TRPC6: variants seen among roughly 807,000 people sequenced by gnomAD.
The protein encoded by TRPC6 is short transient receptor potential channel 6.
Under a neutral mutation model 90.7 loss-of-function variants are expected in TRPC6, and 55 were observed. The observed-to-expected ratio is 0.61, with a 90% CI of 0.49 to 0.76. TRPC6 has a LOEUF of 0.76. Among genes scored for constraint, TRPC6 ranks in the 30% least tolerant of loss-of-function variants. The pLI is 0.00. For missense variants in TRPC6, 989 were observed against 1,122.7 expected, an observed-to-expected ratio of 0.88 and a Z score of 1.70; for synonymous variants, 393 against 393.0, an observed-to-expected ratio of 1.00 and a Z score of 0.00.
At chr11:101,519,418 C>A (rs764040750) in intron 1 of TRPC6, among the ~76,000 whole-genome samples, 10 of 152,062 alleles carry the variant, frequency 6.6e-5, no homozygotes, top group Non-Finnish European at 1.2e-4. Flanking sequence ...ACATTTAATT[C>A]TATTTCTCTG....
intron 6 of TRPC6, among the ~76,000 whole-genome samples, chr11:101,475,617 A>G (rs80111499): frequency 0.014 from 2,190 of 152,040 alleles, 31 homozygotes; most frequent in Admixed American, 0.026. Flanking sequence ...CCTTTGGCCA[A>G]CATCTCCCCA....
chr11:101,583,305 C>T, intron 1 of TRPC6, 29 bp downstream of exon 1: 1 of 1,556,576 alleles, frequency 6.4e-7, no homozygotes, highest in South Asian at 1.2e-5. Flanking sequence ...CAGCCCGCGC[C>T]CGATCCGCCC....
chr11:101,513,809 A>T (rs1007377652), intron 1 of TRPC6, among the ~76,000 whole-genome samples: 2 of 152,140 alleles, frequency 1.3e-5, no homozygotes, highest in African/African-American at 4.8e-5. Context: ...GTGGAGGGGG[A>T]GAACAAGGAT....
chr11:101,507,518 G>A (rs757688037), intron 1 of TRPC6, among the ~76,000 whole-genome samples: 5 of 151,952 alleles, frequency 3.3e-5, no homozygotes, highest in Non-Finnish European at 5.9e-5. Flanking sequence ...TTCTAGTACA[G>A]CACATCTTCC....
chr11:101,478,448 C>T (rs1345295300), intron 5 of TRPC6, among the ~76,000 whole-genome samples: 2 of 150,034 alleles, frequency 1.3e-5, no homozygotes, highest in Non-Finnish European at 3.0e-5. Context: ...GACATTTGAA[C>T]TCATGCAGTC....
intron 4 of TRPC6, among the ~76,000 whole-genome samples, chr11:101,485,469 T>C (rs116633744): frequency 0.012 from 1,898 of 152,278 alleles, 46 homozygotes; most frequent in African/African-American, 0.044. Context: ...AAATTTTAAT[T>C]CTATAATGTT....
chr11:101,560,907 C>A (rs1861697175), intron 1 of TRPC6, among the ~76,000 whole-genome samples: 2 of 152,210 alleles, frequency 1.3e-5, no homozygotes, highest in Admixed American at 1.3e-4. Context: ...AGGCAGAAGT[C>A]AGAGTGGAAG....
chr11:101,473,586 C>T lies in TRPC6; in HGVS notation c.1932G>A (p.Val644=). 1 of 1,613,710 alleles carries T rather than the reference C, an allele frequency of 6.2e-7. No homozygotes were observed. The change falls in exon 7 of 13, where the codon GTG becomes GTA. Residue 644 remains valine, a synonymous_variant. Transcript: ENST00000344327. Reference sequence around the variant, plus strand: ...ACATTCCAATCATAAAGGCCACAAACACCATAATGAATATGACCATGAACT... The same window carrying T: ...ACATTCCAATCATAAAGGCCACAAATACCATAATGAATATGACCATGAACT... ...IFKFMVIFIM[V]FVAFMIGMFN...
At chr11:101,553,845 A>G (rs4754776) in intron 1 of TRPC6, among the ~76,000 whole-genome samples, 52,292 of 151,892 alleles carry the variant, frequency 0.34, 9,267 homozygotes, top group East Asian at 0.44. Context: ...CGTGTCCCAG[A>G]TACCAAGCTC....
intron 1 of TRPC6, among the ~76,000 whole-genome samples, chr11:101,552,732 A>G (rs927054249): frequency 7.9e-5 from 12 of 152,102 alleles, no homozygotes. Context: ...TAGTTCCTCT[A>G]TAATTCCTAC....
At chr11:101,545,393 A>G (rs1044304330) in intron 1 of TRPC6, among the ~76,000 whole-genome samples, 1 of 152,170 alleles carries the variant, frequency 6.6e-6, no homozygotes, top group African/African-American at 2.4e-5. Context: ...AAGCATCCAT[A>G]TATTTTGCTA....
Position 101,504,238 on chromosome 11 carries a change from C to A in TRPC6, c.731G>T (p.Arg244Met). 6.2e-7 allele frequency: 1 copy of A among 1,614,114 alleles called. No homozygotes were observed. The highest frequency in any genetic ancestry group is 8.5e-7 in the Non-Finnish European group (1 of 1,179,988). Residue 244 changes from arginine to methionine, a missense_variant, in exon 2 of 13, where the codon AGG (arginine) becomes ATG (methionine). Around this residue, in one of 4 missense-constraint regions of TRPC6, gnomAD observed 486 missense variants for 591.9 expected, o/e 0.82. Transcript: ENST00000344327. ...IVHTLLRKGA[R>M]IERPHDYFCK... is the part of the protein sequence containing the mutation. ...GAAATAATCATGAGGCCGTTCAATC[C>A]TAGCACCCTTCCGCAGGAGGGTATG...
At chr11:101,516,041 C>T (rs112231381) in intron 1 of TRPC6, among the ~76,000 whole-genome samples, 204 of 148,924 alleles carry the variant, frequency 1.4e-3, no homozygotes, top group Non-Finnish European at 2.4e-3. Flanking sequence ...CCTGAACAGG[C>T]ATGGCATATA....
At chr11:101,497,123 T>C (rs1380940117) in intron 2 of TRPC6, among the ~76,000 whole-genome samples, 1 of 152,124 alleles carries the variant, frequency 6.6e-6, no homozygotes, top group African/African-American at 2.4e-5. Context: ...CTGCCACTTA[T>C]ATAACTATAT....
In TRPC6 at chr11:101,525,163, T is replaced by C. The variant is rs184744023; in HGVS notation, c.171-20365A>G. Among the ~76,000 whole-genome samples the C allele has an allele frequency of 2.6e-5, 4 of 152,342 alleles. No individual in the cohort carries two copies. The East Asian group carries it at 5.8e-4, about 22-fold the overall frequency. ...AAGTACTATTGTTTTGGAACAAGCA[T>C]GTAATGGTCATTAGCATATCTCTGG... On this transcript the variant is annotated intron_variant, in intron 1 of 12. Transcript: ENST00000344327.
At chr11:101,510,884 C>A (rs1180345422) in intron 1 of TRPC6, among the ~76,000 whole-genome samples, 1 of 152,134 alleles carries the variant, frequency 6.6e-6, no homozygotes, top group Non-Finnish European at 1.5e-5. Context: ...TGCTTTTATA[C>A]AAACTAAGCT....
chr11:101,581,483 A>G (rs777712033), intron 1 of TRPC6, among the ~76,000 whole-genome samples: 9 of 152,358 alleles, frequency 5.9e-5, no homozygotes, highest in Non-Finnish European at 8.8e-5. Context: ...ACAAGTGATT[A>G]TATGGATTAC....
At chr11:101,577,630 G>A (rs1481079870) in intron 1 of TRPC6, among the ~76,000 whole-genome samples, 1 of 152,174 alleles carries the variant, frequency 6.6e-6, no homozygotes, top group Non-Finnish European at 1.5e-5. Flanking sequence ...GATTGAGGAC[G>A]GTCTGCAGAG....
chr11:101,540,454 C>T (rs865945390), intron 1 of TRPC6, among the ~76,000 whole-genome samples: 3 of 152,112 alleles, frequency 2.0e-5, no homozygotes, highest in African/African-American at 7.2e-5. Flanking sequence ...GTATTTTATC[C>T]TTTGCATTTC....
Sources: allele counts gnomAD v4.1 joint callset (sites outside exome capture counted in the v4.1 genomes callset), GRCh38; gene constraint gnomAD v4.1.1; regional missense constraint gnomAD v4.1.1; transcripts MANE v1.5; gene names NCBI Gene and HGNC (gene_info 2026-07-23, HGNC 2026-07-21).